Variants in WNT9A observed in about 807,000 individuals in gnomAD.
WNT9A encodes protein Wnt-9a.
In WNT9A, 8 loss-of-function variants were observed where a neutral mutation model predicts 31.4. The ratio of observed to expected loss-of-function variants is 0.26; its 90% CI spans 0.15 to 0.46. The LOEUF is 0.46. Ranked by LOEUF, WNT9A falls within the 20% of genes least tolerant of loss-of-function variation. WNT9A has a pLI of 0.99. For synonymous variants in WNT9A, 236 were observed against 220.1 expected, an observed-to-expected ratio of 1.07 and a Z score of -0.64; for missense variants, 457 against 522.9, an observed-to-expected ratio of 0.87 and a Z score of 1.23.
At chr1:227,943,261 C>G (rs1393261423) in intron 1 of WNT9A, among the ~76,000 whole-genome samples, 1 of 152,226 alleles carries the variant, frequency 6.6e-6, no homozygotes, top group East Asian at 1.9e-4. Context: ...CCCCCACCCA[C>G]CCAGTGGGGC....
chr1:227,936,262 C>G (rs1425774630), intron 1 of WNT9A, among the ~76,000 whole-genome samples: 1 of 152,016 alleles, frequency 6.6e-6, no homozygotes, highest in South Asian at 2.1e-4. Context: ...CATCTCAGAT[C>G]ACTGCAACTT....
intron 3 of WNT9A, among the ~76,000 whole-genome samples, chr1:227,922,944 C>A (rs1194380732): frequency 1.3e-5 from 2 of 152,154 alleles, no homozygotes; most frequent in African/African-American, 2.4e-5. Context: ...GAAACCCGGA[C>A]CAATTTAATT....
At chr1:227,937,744 G>A (rs1395025662) in intron 1 of WNT9A, among the ~76,000 whole-genome samples, 4 of 152,392 alleles carry the variant, frequency 2.6e-5, no homozygotes, top group Non-Finnish European at 4.4e-5. Context: ...TGCGGACGCC[G>A]TGATTTCAGA....
chr1:227,939,709 C>A (rs181698603), intron 1 of WNT9A, among the ~76,000 whole-genome samples: 23 of 152,334 alleles, frequency 1.5e-4, no homozygotes, highest in Non-Finnish European at 2.8e-4. Flanking sequence ...CTTTCTCCCC[C>A]AGGCTGGGGC....
intron 1 of WNT9A, among the ~76,000 whole-genome samples, chr1:227,944,819 T>C (rs1666769410): frequency 6.6e-6 from 1 of 152,148 alleles, no homozygotes; most frequent in Admixed American, 6.5e-5. Context: ...TCCTGAGTGA[T>C]GTAAACTGCA....
rs566702606 is a variant in WNT9A at position 227,940,809 on chromosome 1, C to T, written c.95+6984G>A. On this transcript the variant is annotated intron_variant, in intron 1 of 3. Transcript: ENST00000272164. ...CTGGGCTTCCTCTGGCGGGCAGCGG[C>T]GCCCAGCCAGCCAGGACCATGCCGG... 2.0e-4 allele frequency among the ~76,000 whole-genome samples: 30 copies of T among 152,366 alleles called. No individual in the cohort carries two copies. In the East Asian group the frequency reaches 5.0e-3, roughly 25 times the overall value.
At chr1:227,932,964 G>C (rs1666537253) in intron 1 of WNT9A, among the ~76,000 whole-genome samples, 2 of 152,208 alleles carry the variant, frequency 1.3e-5, no homozygotes, top group African/African-American at 2.4e-5. Context: ...TGTTGCAATG[G>C]TGAATGGGCA....
chr1:227,924,929 G>A (rs1201438821), intron 2 of WNT9A, among the ~76,000 whole-genome samples: 1 of 152,206 alleles, frequency 6.6e-6, no homozygotes, highest in Non-Finnish European at 1.5e-5. Flanking sequence ...CAGGAAGAGA[G>A]TCTGCACAGG....
In WNT9A at chr1:227,928,551, C is replaced by T. The variant is rs1048497010; in HGVS notation, c.96-3032G>A. On this transcript the variant is annotated intron_variant, in intron 1 of 3. Coordinates refer to ENST00000272164, the MANE Select transcript of WNT9A (RefSeq NM_003395.4). This position sits in a 1 kb window ranked among gnomAD's most constrained non-coding sequence, Gnocchi z 4.5. Reference sequence around the variant, plus strand: ...CCCTGCCCCATGCCTCCTTCATTGTCAGGGTGGGCTCCACATGCAGCCAAC... The same window carrying T: ...CCCTGCCCCATGCCTCCTTCATTGTTAGGGTGGGCTCCACATGCAGCCAAC... 2.6e-5 allele frequency among the ~76,000 whole-genome samples: 4 copies of T among 152,218 alleles called. No homozygotes were observed. Among genetic ancestry groups the T allele is most frequent in the African/African-American group, 7.2e-5 (3 of 41,458 alleles).
chr1:227,925,270 G>A lies in WNT9A; in HGVS notation c.345C>T (p.Leu115=), dbSNP rs1402770109. 13 of 1,560,268 alleles carry A rather than the reference G, an allele frequency of 8.3e-6. No homozygotes were observed. The highest frequency in any genetic ancestry group is 1.4e-5 in the African/African-American group (1 of 73,618). Residue 115 remains leucine, a synonymous_variant, in exon 2 of 4, where the codon CTC becomes CTT. Coordinates refer to ENST00000272164, the MANE Select transcript of WNT9A (RefSeq NM_003395.4). The surrounding 1 kb of genome is among the most constrained non-coding windows in gnomAD (Gnocchi z 6.0). ...CAGGCCGGCCACACTCACCTCGCTT[G>A]AGCAGGCTGGCCCGGTAGCGGCCCT... ...TLEGRYRASL[L]KRGFKETAFL...
In WNT9A at chr1:227,925,266, G is replaced by T. The variant is rs1172488576; in HGVS notation, c.349C>A (p.Arg117=). The change falls in exon 2 of 4, where the codon CGA becomes AGA. Residue 117 remains arginine (R), a synonymous_variant. Transcript: ENST00000272164. This position sits in a 1 kb window ranked among gnomAD's most constrained non-coding sequence, Gnocchi z 6.0. The stretch of plus-strand genomic sequence containing the variant: ...GGGCCAGGCCGGCCACACTCACCTC[G>T]CTTGAGCAGGCTGGCCCGGTAGCGG... ...EGRYRASLLK[R]GFKETAFLYA... 1.3e-6 allele frequency: 2 copies of T among 1,555,670 alleles called. No homozygotes were observed. The highest frequency in any genetic ancestry group is 2.7e-5 in the African/African-American group (2 of 73,668).
chr1:227,945,903 C>A lies in WNT9A; in HGVS notation c.95+1890G>T, dbSNP rs530423050. On this transcript the variant is annotated intron_variant, in intron 1 of 3. Coordinates refer to ENST00000272164, the MANE Select transcript of WNT9A (RefSeq NM_003395.4). ...CCTGGCCTGCCCTGACCCAGGATGC[C>A]CCCCCAGCCCCTGGTTCAGGAAGGT... Among the ~76,000 whole-genome samples, 30 of 152,174 alleles carry A rather than the reference C, an allele frequency of 2.0e-4. No homozygotes were observed. In the East Asian group the frequency reaches 5.1e-3, roughly 26 times the overall value.
chr1:227,931,235 C>T (rs1558261490), intron 1 of WNT9A, among the ~76,000 whole-genome samples: 1 of 152,122 alleles, frequency 6.6e-6, no homozygotes, highest in Non-Finnish European at 1.5e-5. Context: ...CTGGACTCAA[C>T]CTGGCCAGGA....
intron 1 of WNT9A, among the ~76,000 whole-genome samples, chr1:227,930,187 T>C (rs1011815523): frequency 6.6e-5 from 10 of 152,318 alleles, no homozygotes; most frequent in Non-Finnish European, 7.3e-5. Flanking sequence ...ACACGCTCTG[T>C]GGCGTGTCAC....
intron 1 of WNT9A, among the ~76,000 whole-genome samples, chr1:227,936,733 C>T (rs929878600): frequency 6.6e-6 from 1 of 152,046 alleles, no homozygotes; most frequent in African/African-American, 2.4e-5. Flanking sequence ...TCAAGTGATC[C>T]TCCTTCCTTA....
intron 1 of WNT9A, among the ~76,000 whole-genome samples, chr1:227,927,692 G>A (rs1636193): frequency 0.45 from 67,743 of 151,842 alleles, 15,392 homozygotes; most frequent in African/African-American, 0.54. Context: ...ATCCCCAGAC[G>A]GAACGCCACA....
At chr1:227,937,496 G>A (rs1390567597) in intron 1 of WNT9A, among the ~76,000 whole-genome samples, 2 of 152,272 alleles carry the variant, frequency 1.3e-5, no homozygotes, top group Non-Finnish European at 2.9e-5. Flanking sequence ...AAGTAACTGA[G>A]ATAAGGATCT....
rs368591502 is a variant in WNT9A at position 227,925,454 on chromosome 1, G to A, written c.161C>T (p.Ala54Val). Residue 54 changes from alanine to valine, a missense_variant, in exon 2 of 4, where the codon GCG becomes GTG. By Grantham distance (64) the Ala-to-Val change is moderately conservative (BLOSUM62 0). Transcript: ENST00000272164. This position sits in a 1 kb window ranked among gnomAD's most constrained non-coding sequence, Gnocchi z 6.0. Reference sequence around the variant, plus strand: ...CAGCCGGTCGCAGGCCTTGTAGTGCGCCTGGGCAGCCGCCTCTGGCTCCAG... The same window carrying A: ...CAGCCGGTCGCAGGCCTTGTAGTGCACCTGGGCAGCCGCCTCTGGCTCCAG... Reference protein sequence around the residue: ...LTLEPEAAAQAHYKACDRLKL... With the variant: ...LTLEPEAAAQVHYKACDRLKL... 80 of 1,578,354 alleles carry A rather than the reference G, an allele frequency of 5.1e-5. No individual in the cohort carries two copies. The highest frequency in any genetic ancestry group is 1.5e-4 in the African/African-American group (11 of 73,910).
chr1:227,921,655 T>G lies in WNT9A; in HGVS notation c.961A>C (p.Ser321Arg), dbSNP rs1471900822. The stretch of plus-strand genomic sequence containing the variant: ...TTATGGCCGCGGCCACAGCAGATGC[T>G]CTCGCAGTTCTTCTCACGGTGGCAC... ...RRCHREKNCE[S>R]ICCGRGHNTQ... Residue 321 changes from serine (S) to arginine (R), a missense_variant, in exon 4 of 4, where the codon AGC becomes CGC. Ser to Arg is a moderately radical substitution (Grantham distance 110, BLOSUM62 -1). Coordinates refer to ENST00000272164, the MANE Select transcript of WNT9A (RefSeq NM_003395.4). 1.2e-6 allele frequency: 2 copies of G among 1,613,168 alleles called. No individual in the cohort carries two copies. Among genetic ancestry groups the G allele is most frequent in the African/African-American group, 2.7e-5 (2 of 74,896 alleles).
Sources: gnomAD v4.1 joint callset for allele counts (sites outside exome capture counted in the v4.1 genomes callset) on GRCh38, gnomAD v4.1.1 for gene constraint, Gnocchi (gnomAD v3.1) non-coding constraint, MANE v1.5 for transcripts, NCBI Gene and HGNC (gene_info 2026-07-23, HGNC 2026-07-21) for gene names.